The following NME7 variants were observed in gnomAD, a reference collection of about 807,000 sequenced individuals.
NME7 encodes NME/NM23 family member 7.
A neutral mutation model predicts 49.1 loss-of-function variants in NME7; 41 were observed. That is an observed-to-expected ratio of 0.83 (90% CI 0.65 to 1.08). NME7 has a LOEUF of 1.08. Among genes scored for constraint, NME7 ranks in the 50% least tolerant of loss-of-function variants. The probability of loss-of-function intolerance (pLI) is 0.00; values close to 1 mark genes in which losing one functional copy is unlikely to be tolerated. For missense variants in NME7, 423 were observed against 463.4 expected (o/e 0.91, Z 0.80); for synonymous variants, 139 against 150.6 (o/e 0.92, Z 0.56).
intron 10 of NME7, among the ~76,000 whole-genome samples, chr1:169,202,334 A>T (rs1244496140): frequency 6.6e-6 from 1 of 152,090 alleles, no homozygotes; most frequent in African/African-American, 2.4e-5. Flanking sequence ...TTAACAGTGT[A>T]TGGCACCCCC....
At chr1:169,344,556 T>G (rs1053656376) in intron 1 of NME7, among the ~76,000 whole-genome samples, 6 of 152,226 alleles carry the variant, frequency 3.9e-5, no homozygotes, top group African/African-American at 1.4e-4. Flanking sequence ...CTTCTACTTC[T>G]AATTTGTTGA....
intron 4 of NME7, among the ~76,000 whole-genome samples, chr1:169,306,573 G>C (rs989835825): frequency 6.6e-6 from 1 of 152,138 alleles, no homozygotes; most frequent in African/African-American, 2.4e-5. Context: ...TGAGGAATGG[G>C]GGAGCAGCAA....
chr1:169,170,373 G>A (rs1211589456), intron 10 of NME7, among the ~76,000 whole-genome samples: 1 of 152,106 alleles, frequency 6.6e-6, no homozygotes, highest in Non-Finnish European at 1.5e-5. Context: ...TGTAGCTTAG[G>A]GTGCAAAGAT....
intron 11 of NME7, among the ~76,000 whole-genome samples, chr1:169,163,903 G>A (rs78568010): frequency 0.056 from 8,477 of 152,086 alleles, 289 homozygotes; most frequent in East Asian, 0.13. Flanking sequence ...AAGGTCAGGC[G>A]ATCAAGACCA....
chr1:169,302,404 C>A (rs1382839493), intron 5 of NME7: 3 of 152,130 alleles, frequency 2.0e-5, no homozygotes, highest in Non-Finnish European at 4.4e-5. Context: ...TACATATACA[C>A]CATGGAATAC....
chr1:169,271,840 G>T (rs1649502584), intron 7 of NME7, among the ~76,000 whole-genome samples: 1 of 132,532 alleles, frequency 7.5e-6, no homozygotes, highest in African/African-American at 2.5e-5. Context: ...CAGGAGATGG[G>T]ATTATTATAG....
At chr1:169,189,342 T>C (rs3766065) in intron 10 of NME7, among the ~76,000 whole-genome samples, 56,309 of 151,932 alleles carry the variant, frequency 0.37, 11,006 homozygotes, top group East Asian at 0.73. Flanking sequence ...CACAAAATCA[T>C]TATTTTCGCA....
chr1:169,256,976 A>T (rs1194790564), intron 7 of NME7, among the ~76,000 whole-genome samples: 1 of 125,902 alleles, frequency 7.9e-6, no homozygotes, highest in Non-Finnish European at 1.9e-5. Flanking sequence ...AAGCTGTCAG[A>T]CAGCGACATT....
chr1:169,180,001 G>T (rs1290031445), intron 10 of NME7, among the ~76,000 whole-genome samples: 1 of 147,348 alleles, frequency 6.8e-6, no homozygotes, highest in African/African-American at 2.5e-5. Flanking sequence ...GTCAGTCAAA[G>T]AAAGAAACAA....
At chr1:169,243,449 T>G (rs1488795844) in intron 7 of NME7, among the ~76,000 whole-genome samples, 1 of 152,202 alleles carries the variant, frequency 6.6e-6, no homozygotes, top group Non-Finnish European at 1.5e-5. Context: ...TCACATATTA[T>G]TACACATAAT....
At chr1:169,201,769 G>A (rs1291010717) in intron 10 of NME7, among the ~76,000 whole-genome samples, 1 of 152,154 alleles carries the variant, frequency 6.6e-6, no homozygotes. Context: ...CTAATAGCCA[G>A]TTAGAAACAT....
intron 3 of NME7, among the ~76,000 whole-genome samples, chr1:169,321,305 G>A (rs1651843788): frequency 6.6e-6 from 1 of 152,134 alleles, no homozygotes; most frequent in South Asian, 2.1e-4. Flanking sequence ...GGGTGCAGTG[G>A]GCTATGATCA....
chr1:169,247,246 T>C (rs979583442), intron 7 of NME7, among the ~76,000 whole-genome samples: 2 of 152,106 alleles, frequency 1.3e-5, no homozygotes, highest in African/African-American at 4.8e-5. Context: ...AAGTCTAAAG[T>C]CAAAGTCAGG....
At position 169,358,709 on chromosome 1, in the gene NME7, G is replaced by A. The variant is rs564825062; in HGVS notation, c.3+8999C>T. Reference sequence around the variant, plus strand: ...TCTCAATATTCTGAGCAAAGCAGGTGACAGTTTTATTAAAAGTTCAAATCT... The same window carrying A: ...TCTCAATATTCTGAGCAAAGCAGGTAACAGTTTTATTAAAAGTTCAAATCT... On this transcript the variant is annotated intron_variant, in intron 1 of 11. Coordinates refer to ENST00000367811, the MANE Select transcript of NME7 (RefSeq NM_013330.5). Among the ~76,000 whole-genome samples the A allele has an allele frequency of 8.8e-4, 134 of 152,150 alleles. 1 individual carries two copies. Among genetic ancestry groups the A allele is most frequent in the African/African-American group, 3.2e-3 (131 of 41,550 alleles).
intron 9 of NME7, among the ~76,000 whole-genome samples, chr1:169,231,419 C>A (rs976865815): frequency 6.6e-6 from 1 of 152,156 alleles, no homozygotes; most frequent in Non-Finnish European, 1.5e-5. Context: ...AGAGGAAACA[C>A]AACAGAGCCC....
chr1:169,210,591 T>TAC (rs112929835), intron 10 of NME7, among the ~76,000 whole-genome samples: 20,336 of 150,824 alleles, frequency 0.13, 2,770 homozygotes, highest in East Asian at 0.78. Context: ...AATATTTAAA[T>TAC]ACACACACAC....
chr1:169,272,288 T>C (rs1649517284), intron 7 of NME7, among the ~76,000 whole-genome samples: 1 of 133,538 alleles, frequency 7.5e-6, no homozygotes, highest in Admixed American at 7.4e-5. Context: ...CAATTTTTAT[T>C]CTTCAACTTT....
At chr1:169,301,974 T>G (rs1013311769) in intron 5 of NME7, 8 of 152,108 alleles carry the variant, frequency 5.3e-5, no homozygotes, top group Admixed American at 1.3e-4. Context: ...ACTCACTACC[T>G]GGATGATGGG....
At chr1:169,365,055 C>A (rs1653801673) in intron 1 of NME7, among the ~76,000 whole-genome samples, 1 of 152,144 alleles carries the variant, frequency 6.6e-6, no homozygotes, top group Non-Finnish European at 1.5e-5. Context: ...CAGGCTTCTG[C>A]ATTCTGGCAA....
Sources: allele counts gnomAD v4.1 joint callset (sites outside exome capture counted in the v4.1 genomes callset), GRCh38; gene constraint gnomAD v4.1.1; transcripts MANE v1.5; gene names NCBI Gene and HGNC (gene_info 2026-07-23, HGNC 2026-07-21).